CBLB: variants seen among roughly 807,000 people sequenced by gnomAD.
The protein encoded by CBLB is E3 ubiquitin-protein ligase CBL-B.
A neutral mutation model predicts 104.9 loss-of-function variants in CBLB; 31 were observed. The ratio of observed to expected loss-of-function variants is 0.30; its 90% CI spans 0.22 to 0.40. The LOEUF is 0.40. CBLB is among the 10% of genes least tolerant of loss of function. The pLI, the probability that CBLB is intolerant of heterozygous loss-of-function variation, is 1.00. For synonymous variants in CBLB, 440 were observed against 422.6 expected (o/e 1.04, Z -0.51); for missense variants, 1,062 against 1,214.6 (o/e 0.87, Z 1.87).
At chr3:105,785,521 G>T (rs2080877968) in intron 3 of CBLB, among the ~76,000 whole-genome samples, 1 of 152,046 alleles carries the variant, frequency 6.6e-6, no homozygotes, top group African/African-American at 2.4e-5. Context: ...TCAAGTAAAT[G>T]TAACATATTT....
intron 3 of CBLB, among the ~76,000 whole-genome samples, chr3:105,810,499 G>A (rs1008456904): frequency 5.9e-5 from 9 of 151,926 alleles, no homozygotes; most frequent in South Asian, 2.1e-4. Flanking sequence ...GTTTTTGCAC[G>A]GGTATAACTT....
chr3:105,723,414 A>G (rs533492016), intron 9 of CBLB, among the ~76,000 whole-genome samples: 1 of 152,272 alleles, frequency 6.6e-6, no homozygotes, highest in South Asian at 2.1e-4. Flanking sequence ...ACTTCCTCGA[A>G]TAAGAAATAC....
intron 3 of CBLB, among the ~76,000 whole-genome samples, chr3:105,785,852 T>C (rs1353854584): frequency 1.3e-5 from 2 of 152,166 alleles, no homozygotes; most frequent in Admixed American, 6.5e-5. Context: ...TGCCAAGCAA[T>C]TCCCACTCAT....
chr3:105,766,017 T>C (rs1362477946), intron 4 of CBLB, among the ~76,000 whole-genome samples: 1 of 152,182 alleles, frequency 6.6e-6, no homozygotes, highest in Non-Finnish European at 1.5e-5. Context: ...AGAACATTTA[T>C]GATTCAAGGG....
chr3:105,792,433 A>G (rs2081777483), intron 3 of CBLB, among the ~76,000 whole-genome samples: 1 of 152,150 alleles, frequency 6.6e-6, no homozygotes, highest in Non-Finnish European at 1.5e-5. Flanking sequence ...TCAGACCTCA[A>G]GGGCAACTAC....
intron 18 of CBLB, among the ~76,000 whole-genome samples, chr3:105,662,049 A>T (rs2063836466): frequency 6.6e-6 from 1 of 152,352 alleles, no homozygotes; most frequent in South Asian, 2.1e-4. Context: ...CTAGCAGAAT[A>T]TTAAAAAGCA....
intron 10 of CBLB, among the ~76,000 whole-genome samples, chr3:105,717,211 C>G (rs970837121): frequency 6.6e-6 from 1 of 152,126 alleles, no homozygotes; most frequent in Non-Finnish European, 1.5e-5. Context: ...AAGCCTAGAC[C>G]TACCCTCTCA....
At chr3:105,780,350 A>G (rs535211695) in intron 3 of CBLB, among the ~76,000 whole-genome samples, 1 of 152,212 alleles carries the variant, frequency 6.6e-6, no homozygotes, top group South Asian at 2.1e-4. Context: ...CATCATTGTA[A>G]GACCTAAAAT....
At chr3:105,826,057 C>G (rs2086522055) in intron 3 of CBLB, among the ~76,000 whole-genome samples, 1 of 149,096 alleles carries the variant, frequency 6.7e-6, no homozygotes, top group Non-Finnish European at 1.5e-5. Flanking sequence ...AATTTAACGT[C>G]AAGCACACTG....
chr3:105,838,249 A>ATTTTT (rs55769611), intron 3 of CBLB, among the ~76,000 whole-genome samples: 4 of 55,974 alleles, frequency 7.1e-5, no homozygotes, highest in Non-Finnish European at 6.2e-5. Context: ...ACACCTGGCT[A>ATTTTT]TTTTTTTTTT....
intron 10 of CBLB, among the ~76,000 whole-genome samples, chr3:105,710,096 T>C (rs2070841053): frequency 6.6e-6 from 1 of 151,962 alleles, no homozygotes; most frequent in African/African-American, 2.4e-5. Flanking sequence ...GATTTGAAAG[T>C]GCTCTTTATA....
At chr3:105,811,267 T>G (rs1307496304) in intron 3 of CBLB, among the ~76,000 whole-genome samples, 1 of 152,210 alleles carries the variant, frequency 6.6e-6, no homozygotes, top group Non-Finnish European at 1.5e-5. Flanking sequence ...TTAGTATCTT[T>G]CAATATTGTA....
intron 3 of CBLB, among the ~76,000 whole-genome samples, chr3:105,842,122 T>C (rs957160131): frequency 2.0e-5 from 3 of 152,146 alleles, no homozygotes; most frequent in African/African-American, 7.2e-5. Context: ...TCAGGGTCCT[T>C]AGGCTTGGGA....
intron 16 of CBLB, 103 bp downstream of exon 16, chr3:105,681,376 C>G: frequency 8.0e-7 from 1 of 1,256,490 alleles, no homozygotes; most frequent in Non-Finnish European, 1.1e-6. Context: ...CAGGCAAATT[C>G]ACAACCCAGT....
intron 1 of CBLB, chr3:105,868,046 A>AGATTTCTCCAAGTTACAT (rs1348548577): frequency 1.6e-5 from 8 of 489,446 alleles, no homozygotes; most frequent in Non-Finnish European, 2.4e-5. Context: ...TCACTCTGTT[A>AGATTTCTCCAAGTTACAT]GATTTCTCCA....
At chr3:105,816,540 A>G (rs2085084327) in intron 3 of CBLB, among the ~76,000 whole-genome samples, 1 of 152,242 alleles carries the variant, frequency 6.6e-6, no homozygotes, top group Admixed American at 6.5e-5. Context: ...GATAAGAAGT[A>G]CATTTTTAAA....
intron 3 of CBLB, among the ~76,000 whole-genome samples, chr3:105,784,309 A>C (rs2080693377): frequency 6.6e-6 from 1 of 152,218 alleles, no homozygotes; most frequent in South Asian, 2.1e-4. Context: ...TGTAAACACA[A>C]TGGAAAATCA....
chr3:105,791,065 A>T (rs2152994787), intron 3 of CBLB, among the ~76,000 whole-genome samples: 1 of 152,326 alleles, frequency 6.6e-6, no homozygotes, highest in South Asian at 2.1e-4. Flanking sequence ...AATCATTAGG[A>T]ATTCTTAGAT....
intron 14 of CBLB, among the ~76,000 whole-genome samples, chr3:105,683,594 G>T (rs1412997105): frequency 6.6e-6 from 1 of 151,972 alleles, no homozygotes; most frequent in Non-Finnish European, 1.5e-5. Context: ...ACCAAAAAAA[G>T]CTCATCCTAC....
Sources: gnomAD v4.1 joint callset for allele counts (sites outside exome capture counted in the v4.1 genomes callset) on GRCh38, gnomAD v4.1.1 for gene constraint, MANE v1.5 for transcripts, NCBI Gene and HGNC (gene_info 2026-07-23, HGNC 2026-07-21) for gene names.